Variants in GALNT2 observed in about 807,000 individuals in gnomAD.
The protein encoded by GALNT2 is UDP-GalNAc:polypeptide N-acetylgalactosaminyltransferase 2.
GALNT2 carries 31 observed loss-of-function variants against 81.4 expected under a neutral mutation model. That is an observed-to-expected ratio of 0.38 (90% confidence interval 0.29 to 0.51). The LOEUF is 0.51. Ranked by LOEUF, GALNT2 falls within the 20% of genes least tolerant of loss-of-function variation. The pLI, the probability that GALNT2 is intolerant of heterozygous loss-of-function variation, is 0.87. For missense variants in GALNT2, 629 were observed against 765.7 expected (o/e 0.82, Z 2.11); for synonymous variants, 303 against 287.4 (o/e 1.05, Z -0.55).
At chr1:230,232,541 C>CCTATAGCTGCATA in intron 3 of GALNT2, among the ~76,000 whole-genome samples, 1 of 152,222 alleles carries the variant, frequency 6.6e-6, no homozygotes, top group South Asian at 2.1e-4. Flanking sequence ...TTTAAATTCT[C>CCTATAGCTGCATA]CTATAGCTGC....
intron 1 of GALNT2, among the ~76,000 whole-genome samples, chr1:230,106,244 A>G (rs982249118): frequency 1.3e-5 from 2 of 152,218 alleles, no homozygotes; most frequent in African/African-American, 4.8e-5. Flanking sequence ...TCTCTGTATA[A>G]GGGTGACTGT....
intron 13 of GALNT2, chr1:230,264,972 CA>C (rs67239229): frequency 0.24 from 40,100 of 169,394 alleles, 2,562 homozygotes; most frequent in African/African-American, 0.4. Context: ...CCTTCCTTTC[CA>C]AAAAAAAAAA....
At chr1:230,151,604 C>T (rs143209821) in intron 1 of GALNT2, among the ~76,000 whole-genome samples, 2 of 152,282 alleles carry the variant, frequency 1.3e-5, no homozygotes, top group African/African-American at 4.8e-5. Flanking sequence ...CCCCACATGT[C>T]CCTGTGCCCA....
intron 1 of GALNT2, among the ~76,000 whole-genome samples, chr1:230,091,393 C>T (rs562184137): frequency 1.6e-4 from 25 of 152,170 alleles, no homozygotes; most frequent in Middle Eastern, 3.4e-3. Context: ...CCTTTTCTAT[C>T]GGCCTATTTC....
At chr1:230,248,645 G>T (rs1024941379) in intron 8 of GALNT2, among the ~76,000 whole-genome samples, 2 of 152,174 alleles carry the variant, frequency 1.3e-5, no homozygotes, top group African/African-American at 4.8e-5. Context: ...ACTTCCGCTG[G>T]CTCATTTTCC....
At chr1:230,216,792 C>G (rs544066925) in intron 3 of GALNT2, among the ~76,000 whole-genome samples, 1 of 152,066 alleles carries the variant, frequency 6.6e-6, no homozygotes, top group Non-Finnish European at 1.5e-5. Context: ...CCACTGCCAT[C>G]TGTAAAATTT....
At chr1:230,207,399 C>G (rs1478722895) in intron 3 of GALNT2, among the ~76,000 whole-genome samples, 1 of 152,038 alleles carries the variant, frequency 6.6e-6, no homozygotes, top group African/African-American at 2.4e-5. Flanking sequence ...GCTTCAGAGC[C>G]TCCCAAACAA....
At chr1:230,220,339 TAAA>T (rs1664508584) in intron 3 of GALNT2, among the ~76,000 whole-genome samples, 1 of 151,740 alleles carries the variant, frequency 6.6e-6, no homozygotes, top group Non-Finnish European at 1.5e-5. Context: ...GCTAGGTAAA[TAAA>T]GAAGAATACC....
At chr1:230,230,473 T>C (rs976564149) in intron 3 of GALNT2, among the ~76,000 whole-genome samples, 3 of 152,184 alleles carry the variant, frequency 2.0e-5, no homozygotes, top group African/African-American at 7.2e-5. Context: ...TAGACGTAGC[T>C]GCTGTGGAGA....
At chr1:230,064,987 C>T (rs1408880982), upstream of GALNT2, among the ~76,000 whole-genome samples, 2 of 152,198 alleles carry the variant, frequency 1.3e-5, no homozygotes, top group Admixed American at 1.3e-4. Flanking sequence ...AATTCCAGAT[C>T]ATTTCCCAAG....
At chr1:230,250,821 G>A (rs1056596769) in intron 10 of GALNT2, among the ~76,000 whole-genome samples, 4 of 152,156 alleles carry the variant, frequency 2.6e-5, no homozygotes, top group Admixed American at 6.5e-5. Flanking sequence ...CTTTCAAGGC[G>A]TCTGAACCCA....
At position 230,236,528 on chromosome 1, in the gene GALNT2, C is replaced by T. The variant is rs1572120089; in HGVS notation, c.541+108C>T. ...GTGAACAAGCCAGAAATCAGATCCA[C>T]AGAAAGAAGAGGTGCCTCTGTGATG... On this transcript the variant is annotated intron_variant, in intron 5 of 15. Coordinates refer to ENST00000366672, the MANE Select transcript of GALNT2 (RefSeq NM_004481.5). 15 of 1,421,610 alleles carry T rather than the reference C, an allele frequency of 1.1e-5. 1 individual carries two copies. The East Asian group carries it at 2.8e-4, about 26-fold the overall frequency. 88.1% of individuals were successfully genotyped at this position (1,421,610 alleles called of 1,614,324 possible).
intron 1 of GALNT2, among the ~76,000 whole-genome samples, chr1:230,119,922 G>A (rs897419724): frequency 1.3e-5 from 2 of 152,144 alleles, no homozygotes; most frequent in Non-Finnish European, 2.9e-5. Flanking sequence ...TGAGGACCGT[G>A]TTGCTGTATA....
At chr1:230,234,952 G>T (rs1001439213) in intron 3 of GALNT2, among the ~76,000 whole-genome samples, 1 of 152,132 alleles carries the variant, frequency 6.6e-6, no homozygotes, top group Admixed American at 6.5e-5. Context: ...AGTGGCTCAT[G>T]CCGGTAATCC....
In GALNT2 at chr1:230,281,546, T is replaced by G. The variant is rs1376587154; in HGVS notation, c.*2088T>G. On this transcript the variant is annotated 3_prime_UTR_variant, in exon 16 of 16. Transcript: ENST00000366672. ...TGGATGAATCTGGCTCGTTTTAAAA[T>G]CACGTTTTCTGACGAATCCTTTGCC... The G allele has an allele frequency of 1.3e-5, 2 of 152,402 alleles. No homozygotes were observed. The highest frequency in any genetic ancestry group is 4.8e-5 in the African/African-American group (2 of 41,424). The allele number at this position is 152,402 out of a possible 1,614,324, so 9.4% of individuals were successfully genotyped here.
chr1:230,275,180 T>C lies in GALNT2; in HGVS notation c.1560+616T>C, dbSNP rs111205942. Among the ~76,000 whole-genome samples, 553 of 151,556 alleles carry C rather than the reference T, an allele frequency of 3.6e-3. 4 individuals carry two copies. Among genetic ancestry groups the C allele is most frequent in the African/African-American group, 0.013 (517 of 41,276 alleles). ...CACATATACATATACCTGCCACATA[T>C]ATACATATATAAACACCACATATAT... On this transcript the variant is annotated intron_variant, in intron 15 of 15. Transcript: ENST00000366672. This position sits in a 1 kb window ranked among gnomAD's most constrained non-coding sequence, Gnocchi z 5.5.
chr1:230,222,044 T>TTTTTTTTTTTTTTTTTTTTTG (rs71173785), intron 3 of GALNT2, among the ~76,000 whole-genome samples: 1 of 142,650 alleles, frequency 7.0e-6, no homozygotes, highest in Non-Finnish European at 1.5e-5. Context: ...TTTTTTTTTT[T>TTTTTTTTTTTTTTTTTTTTTG]GAGACAGAGT....
At chr1:230,250,741 A>C (rs1414959621) in intron 10 of GALNT2, among the ~76,000 whole-genome samples, 181 bp downstream of exon 10, 1 of 152,196 alleles carries the variant, frequency 6.6e-6, no homozygotes, top group East Asian at 1.9e-4. Context: ...TGGGCATTAA[A>C]ATGTGCCTCC....
intron 1 of GALNT2, among the ~76,000 whole-genome samples, chr1:230,128,743 C>G (rs1227278100): frequency 6.6e-6 from 1 of 152,174 alleles, no homozygotes; most frequent in Non-Finnish European, 1.5e-5. Context: ...TTCCTTGCTC[C>G]AGTCTCCTCT....
Sources: allele counts gnomAD v4.1 joint callset (sites outside exome capture counted in the v4.1 genomes callset), GRCh38; gene constraint gnomAD v4.1.1; non-coding constraint Gnocchi (gnomAD v3.1); transcripts MANE v1.5; gene names NCBI Gene and HGNC (gene_info 2026-07-23, HGNC 2026-07-21).